CHAF1A: variants seen among roughly 807,000 people sequenced by gnomAD.
CHAF1A encodes chromatin assembly factor 1 subunit A, also known as CAF-1 subunit A.
CHAF1A carries 5 observed loss-of-function variants against 93.2 expected under a neutral mutation model. The ratio of observed to expected loss-of-function variants is 0.05; its 90% confidence interval spans 0.03 to 0.11. The LOEUF is 0.11. Ranked by LOEUF, CHAF1A falls within the 10% of genes least tolerant of loss-of-function variation. CHAF1A has a pLI of 1.00. For synonymous variants in CHAF1A, 504 were observed against 510.3 expected, an observed-to-expected ratio of 0.99 and a Z score of 0.17; for missense variants, 1,102 against 1,259.9, an observed-to-expected ratio of 0.87 and a Z score of 1.90.
chr19:4,402,868 G>C (rs527839922), intron 1 of CHAF1A, 54 bp downstream of exon 1: 11 of 1,099,322 alleles, frequency 1.0e-5, no homozygotes, highest in Non-Finnish European at 1.3e-5. Flanking sequence ...CGGCCTGGAC[G>C]GGCCGAGGCG....
At chr19:4,448,426 G>T (rs538789592), downstream of CHAF1A, 11 of 1,597,370 alleles carry the variant, frequency 6.9e-6, no homozygotes, top group Non-Finnish European at 9.4e-6. Flanking sequence ...CTGGGAGGAG[G>T]GAAGCAGGGA....
In CHAF1A at chr19:4,433,688, C is replaced by G. The variant is rs1007586851; in HGVS notation, c.2673+149C>G. 66 of 644,836 alleles carry G rather than the reference C, an allele frequency of 1.0e-4. 1 individual carries two copies. Among genetic ancestry groups the G allele is most frequent in the South Asian group, 1.1e-4 (5 of 47,112 alleles). The allele number at this position is 644,836 out of a possible 1,614,324, so 39.9% of individuals were successfully genotyped here. A position where few individuals can be genotyped will look rare whatever the true frequency, so the allele number is the denominator to read the frequency against. On this transcript the variant is annotated intron_variant, in intron 13 of 14. Coordinates refer to ENST00000301280, the MANE Select transcript of CHAF1A (RefSeq NM_005483.3). The surrounding 1 kb of genome is among the most constrained non-coding windows in gnomAD (Gnocchi z 5.6). ...CAATCTCAGCTCACTGCAACCTCCTCCCTCCTGGGTTCAAGTGATTCTCCT... is the reference window on the plus strand; with the variant it reads ...CAATCTCAGCTCACTGCAACCTCCTGCCTCCTGGGTTCAAGTGATTCTCCT...
chr19:4,446,681 A>C (rs781601968), downstream of CHAF1A: 3 of 1,611,558 alleles, frequency 1.9e-6, no homozygotes, highest in Non-Finnish European at 2.5e-6. Flanking sequence ...GGCTGGGCCA[A>C]GGTGGTCTCG....
intron 2 of CHAF1A, 57 bp downstream of exon 2, chr19:4,406,019 C>G (rs1187786833): frequency 7.1e-7 from 1 of 1,399,654 alleles, no homozygotes; most frequent in Non-Finnish European, 1.0e-6. Context: ...TTCCTTGTCT[C>G]TTGTTGGAGA....
At chr19:4,445,974 G>A (rs777727034), downstream of CHAF1A, 3 of 1,524,804 alleles carry the variant, frequency 2.0e-6, no homozygotes, top group Non-Finnish European at 2.6e-6. Flanking sequence ...GCTCCCTCCT[G>A]GGGGTGTCTG....
intron 7 of CHAF1A, among the ~76,000 whole-genome samples, chr19:4,424,694 G>C (rs1974049566): frequency 6.6e-6 from 1 of 152,096 alleles, no homozygotes; most frequent in Non-Finnish European, 1.5e-5. Context: ...CAGTACAGTG[G>C]TGCGATCTCA....
chr19:4,403,178 C>T (rs1203460715), intron 1 of CHAF1A, among the ~76,000 whole-genome samples: 1 of 152,096 alleles, frequency 6.6e-6, no homozygotes, highest in Non-Finnish European at 1.5e-5. Context: ...CCATGTTGGA[C>T]CTTGCAGCGG....
At chr19:4,412,221 C>T (rs965548700) in intron 3 of CHAF1A, among the ~76,000 whole-genome samples, 1 of 152,180 alleles carries the variant, frequency 6.6e-6, no homozygotes, top group Non-Finnish European at 1.5e-5. Flanking sequence ...TGCAAAATTT[C>T]GTCCTGTGAT....
chr19:4,445,864 G>T (rs772242326), downstream of CHAF1A: 5 of 1,078,946 alleles, frequency 4.6e-6, no homozygotes, highest in South Asian at 6.5e-5. Context: ...CTGAGGCGTG[G>T]AGTAGTTATG....
chr19:4,437,585 G>A (rs1235473968), intron 13 of CHAF1A, among the ~76,000 whole-genome samples: 2 of 151,896 alleles, frequency 1.3e-5, no homozygotes, highest in Non-Finnish European at 2.9e-5. Flanking sequence ...GAGCTCTAGC[G>A]ATCCTCTCTC....
chr19:4,450,016 T>C (rs972898016), downstream of CHAF1A: 1 of 151,548 alleles, frequency 6.6e-6, no homozygotes, highest in Non-Finnish European at 1.5e-5. Flanking sequence ...GATCACGAGA[T>C]TAGGAGAGCG....
At chr19:4,446,871 C>T (rs1974542760), downstream of CHAF1A, 1 of 1,613,956 alleles carries the variant, frequency 6.2e-7, no homozygotes, top group South Asian at 1.1e-5. Flanking sequence ...CTTCTGGAAC[C>T]CAATGGCCTC....
At chr19:4,449,610 T>A (rs1418407403), downstream of CHAF1A, 1 of 152,148 alleles carries the variant, frequency 6.6e-6, no homozygotes, top group African/African-American at 2.4e-5. Context: ...GCGTGTCAGC[T>A]CCAAAAGCGG....
chr19:4,437,712 T>C (rs1974310600), intron 13 of CHAF1A, among the ~76,000 whole-genome samples: 1 of 150,730 alleles, frequency 6.6e-6, no homozygotes, highest in Non-Finnish European at 1.5e-5. Context: ...ACACTTTTTT[T>C]CCCAATTTGA....
At chr19:4,439,702 A>C (rs559226585) in intron 13 of CHAF1A, among the ~76,000 whole-genome samples, 1 of 152,164 alleles carries the variant, frequency 6.6e-6, no homozygotes, top group South Asian at 2.1e-4. Context: ...TCTACAGGGG[A>C]CTCTTAGACT....
At chr19:4,427,885 G>T (rs2145120312) in intron 7 of CHAF1A, among the ~76,000 whole-genome samples, 1 of 152,310 alleles carries the variant, frequency 6.6e-6, no homozygotes, top group Middle Eastern at 3.4e-3. Context: ...ACCGCGCCTG[G>T]CCTAATTTTT....
chr19:4,404,755 T>G (rs1973649669), intron 1 of CHAF1A, among the ~76,000 whole-genome samples: 1 of 152,226 alleles, frequency 6.6e-6, no homozygotes, highest in East Asian at 1.9e-4. Flanking sequence ...CTGGTAAGTG[T>G]GAGCTTCCTA....
downstream of CHAF1A, chr19:4,448,233 G>T (rs1974579667): frequency 2.4e-6 from 3 of 1,242,928 alleles, no homozygotes; most frequent in Non-Finnish European, 3.4e-6. Flanking sequence ...GGTAATGAGG[G>T]GGCCAGAGGG....
intron 7 of CHAF1A, among the ~76,000 whole-genome samples, chr19:4,426,054 C>T (rs1974074835): frequency 6.6e-6 from 1 of 150,896 alleles, no homozygotes; most frequent in African/African-American, 2.4e-5. Flanking sequence ...ACCTATTTTT[C>T]TACAGGATTT....
Sources: allele counts gnomAD v4.1 joint callset (sites outside exome capture counted in the v4.1 genomes callset), GRCh38; gene constraint gnomAD v4.1.1; non-coding constraint Gnocchi (gnomAD v3.1); transcripts MANE v1.5; gene names NCBI Gene and HGNC (gene_info 2026-07-23, HGNC 2026-07-21).